RPTOR: variants seen among roughly 807,000 people sequenced by gnomAD.
RPTOR encodes regulatory associated protein of MTOR complex 1, also known as regulatory-associated protein of mTOR.
In RPTOR, 21 loss-of-function variants were observed where a neutral mutation model predicts 169.9. The ratio of observed to expected loss-of-function variants is 0.12; its 90% CI spans 0.09 to 0.18. RPTOR has a LOEUF of 0.18. Ranked by LOEUF, RPTOR falls within the 10% of genes least tolerant of loss-of-function variation. The pLI is 1.00. For missense variants in RPTOR, 1,133 were observed against 1,855.9 expected, an observed-to-expected ratio of 0.61 and a Z score of 7.16; for synonymous variants, 732 against 753.2, an observed-to-expected ratio of 0.97 and a Z score of 0.46.
chr17:80,638,874 G>A (rs974222428), intron 2 of RPTOR, among the ~76,000 whole-genome samples: 2 of 152,216 alleles, frequency 1.3e-5, no homozygotes, highest in Non-Finnish European at 2.9e-5. Flanking sequence ...TATGTGAGGA[G>A]TGAGGCCTAG....
At chr17:80,883,728 G>C in intron 15 of RPTOR, 53 bp from the exon 16 acceptor site, 1 of 1,577,750 alleles carries the variant, frequency 6.3e-7, no homozygotes, top group African/African-American at 1.3e-5. Context: ...TACCCACCAC[G>C]TGCCTGCCAT....
chr17:80,904,010 C>T (rs970570994), intron 20 of RPTOR, among the ~76,000 whole-genome samples: 1 of 152,222 alleles, frequency 6.6e-6, no homozygotes, highest in Admixed American at 6.5e-5. Flanking sequence ...TAACTAAAGG[C>T]CATTATGATG....
intron 3 of RPTOR, among the ~76,000 whole-genome samples, chr17:80,644,169 C>T (rs2065574892): frequency 6.6e-6 from 1 of 152,228 alleles, no homozygotes; most frequent in South Asian, 2.1e-4. Context: ...CTAGTTAACG[C>T]TATTCCGCGT....
At chr17:80,750,713 A>T (rs1323714929) in intron 5 of RPTOR, among the ~76,000 whole-genome samples, 1 of 152,100 alleles carries the variant, frequency 6.6e-6, no homozygotes, top group African/African-American at 2.4e-5. Context: ...TGCATTGCCG[A>T]TGCTATTTTA....
intron 20 of RPTOR, among the ~76,000 whole-genome samples, chr17:80,895,448 G>A (rs1016273334): frequency 2.6e-5 from 4 of 152,192 alleles, no homozygotes; most frequent in Admixed American, 2.0e-4. Flanking sequence ...CATTGGCCCG[G>A]CCCATCTCTC....
At chr17:80,720,429 T>C (rs2066275478) in intron 4 of RPTOR, among the ~76,000 whole-genome samples, 1 of 152,252 alleles carries the variant, frequency 6.6e-6, no homozygotes, top group Non-Finnish European at 1.5e-5. Flanking sequence ...GTCTTGAGAA[T>C]CTAGCGGTGT....
intron 6 of RPTOR, among the ~76,000 whole-genome samples, chr17:80,755,766 A>G (rs2066674793): frequency 6.6e-6 from 1 of 151,710 alleles, no homozygotes; most frequent in Non-Finnish European, 1.5e-5. Flanking sequence ...AAAGAAACAA[A>G]AAAAGAGGGG....
chr17:80,585,297 C>T (rs1164105529), intron 1 of RPTOR, among the ~76,000 whole-genome samples: 1 of 151,520 alleles, frequency 6.6e-6, no homozygotes, highest in South Asian at 2.1e-4. Flanking sequence ...CTCCGCTTCC[C>T]GGGTTCAAGC....
At chr17:80,650,949 G>A (rs1434696309) in intron 3 of RPTOR, among the ~76,000 whole-genome samples, 1 of 152,192 alleles carries the variant, frequency 6.6e-6, no homozygotes, top group East Asian at 1.9e-4. Flanking sequence ...TCCTTAACAG[G>A]CCTCTCGAGG....
At chr17:80,768,970 G>A (rs1479722468) in intron 6 of RPTOR, among the ~76,000 whole-genome samples, 2 of 152,176 alleles carry the variant, frequency 1.3e-5, no homozygotes, top group African/African-American at 4.8e-5. Context: ...TGCTAAACTG[G>A]ACAGTATATT....
intron 11 of RPTOR, among the ~76,000 whole-genome samples, chr17:80,850,376 C>A (rs1318587219): frequency 6.6e-6 from 1 of 152,216 alleles, no homozygotes; most frequent in East Asian, 1.9e-4. Context: ...CATGTTGATG[C>A]AACAGACACG....
chr17:80,936,752 G>A lies in RPTOR; in HGVS notation c.2920-3744G>A, dbSNP rs991817150. On this transcript the variant is annotated intron_variant, in intron 24 of 33. Transcript: ENST00000306801. This position sits in a 1 kb window ranked among gnomAD's most constrained non-coding sequence, Gnocchi z 4.1. ...TACATCTTCATCAACCTCATGTTGC[G>A]GGGAGAAGAAACTCTTTTCCCTCTT... Among the ~76,000 whole-genome samples the A allele has an allele frequency of 6.6e-5, 10 of 152,170 alleles. No individual in the cohort carries two copies. The highest frequency in any genetic ancestry group is 1.4e-4 in the African/African-American group (6 of 41,420).
chr17:80,864,742 GA>G (rs1347213634), intron 13 of RPTOR, among the ~76,000 whole-genome samples: 2 of 152,192 alleles, frequency 1.3e-5, no homozygotes, highest in African/African-American at 4.8e-5. Context: ...ATAAATATGG[GA>G]TTTTTTTCTT....
At chr17:80,558,188 C>A (rs751473909) in intron 1 of RPTOR, among the ~76,000 whole-genome samples, 1 of 152,148 alleles carries the variant, frequency 6.6e-6, no homozygotes, top group Admixed American at 6.5e-5. Flanking sequence ...GTGGTCCCAG[C>A]TACTCGGATG....
At chr17:80,853,955 T>G (rs1402037477) in intron 11 of RPTOR, among the ~76,000 whole-genome samples, 2 of 150,984 alleles carry the variant, frequency 1.3e-5, no homozygotes, top group African/African-American at 4.9e-5. Context: ...CACTCCAGCC[T>G]GGGCGACCGA....
chr17:80,577,107 C>T (rs959850588), intron 1 of RPTOR, among the ~76,000 whole-genome samples: 18 of 151,850 alleles, frequency 1.2e-4, no homozygotes, highest in Middle Eastern at 6.8e-3. Context: ...TCTCAGCTCG[C>T]TGCAACCTCT....
At chr17:80,814,724 C>T (rs934454182) in intron 7 of RPTOR, among the ~76,000 whole-genome samples, 16 of 152,202 alleles carry the variant, frequency 1.1e-4, no homozygotes, top group East Asian at 5.8e-4. Flanking sequence ...TCACGCTAAG[C>T]ATCGTAACAG....
chr17:80,814,712 T>C (rs2067306430), intron 7 of RPTOR, among the ~76,000 whole-genome samples: 1 of 152,216 alleles, frequency 6.6e-6, no homozygotes, highest in South Asian at 2.1e-4. Context: ...TGTATTCGAC[T>C]TTCACGCTAA....
intron 7 of RPTOR, among the ~76,000 whole-genome samples, chr17:80,809,386 T>G (rs2143569141): frequency 6.6e-6 from 1 of 152,120 alleles, no homozygotes. Flanking sequence ...AGAGATGGGG[T>G]TTCACCATGT....
Sources: allele counts gnomAD v4.1 joint callset (sites outside exome capture counted in the v4.1 genomes callset), GRCh38; gene constraint gnomAD v4.1.1; non-coding constraint Gnocchi (gnomAD v3.1); transcripts MANE v1.5; gene names NCBI Gene and HGNC (gene_info 2026-07-23, HGNC 2026-07-21).